Variants in RCSD1 observed in about 807,000 individuals in gnomAD.
RCSD1 encodes the protein RCSD domain containing 1, also known as capZ-interacting protein.
RCSD1 carries 26 observed loss-of-function variants against 42.5 expected under a neutral mutation model. The observed-to-expected ratio is 0.61, with a 90% CI of 0.45 to 0.85. The LOEUF is 0.85. Ranked by LOEUF, RCSD1 falls within the 40% of genes least tolerant of loss-of-function variation. The pLI is 0.00. For missense variants in RCSD1, 571 were observed against 528.3 expected, an observed-to-expected ratio of 1.08 and a Z score of -0.79; for synonymous variants, 220 against 212.2, an observed-to-expected ratio of 1.04 and a Z score of -0.32.
At chr1:167,691,060 G>A (rs142988854) in intron 4 of RCSD1, among the ~76,000 whole-genome samples, 2 of 152,322 alleles carry the variant, frequency 1.3e-5, no homozygotes, top group Non-Finnish European at 2.9e-5. Flanking sequence ...TCACTGCCCG[G>A]CTCCTGCTGC....
At chr1:167,642,049 C>T (rs1180275939) in intron 1 of RCSD1, 1 of 152,258 alleles carries the variant, frequency 6.6e-6, no homozygotes, top group East Asian at 1.9e-4. Context: ...GTTGTCATGG[C>T]AGAAGGAAGG....
chr1:167,694,402 C>T (rs1322787660), intron 5 of RCSD1, 100 bp downstream of exon 5: 6 of 1,148,228 alleles, frequency 5.2e-6, no homozygotes, highest in African/African-American at 1.5e-5. Flanking sequence ...AAGGAGGAAA[C>T]ATTCGGAGTT....
chr1:167,648,493 G>A (rs1200124915), intron 1 of RCSD1, among the ~76,000 whole-genome samples: 1 of 152,196 alleles, frequency 6.6e-6, no homozygotes, highest in African/African-American at 2.4e-5. Context: ...GACATGAGGT[G>A]AGAGCCCTCC....
intron 6 of RCSD1, 51 bp from the exon 7 acceptor site, chr1:167,704,613 C>T (rs145158586): frequency 2.6e-6 from 4 of 1,520,720 alleles, no homozygotes; most frequent in Non-Finnish European, 3.6e-6. Context: ...TGCTGAGTGT[C>T]AGGATTTCCT....
At chr1:167,679,269 G>A (rs577267202) in intron 1 of RCSD1, among the ~76,000 whole-genome samples, 3 of 152,330 alleles carry the variant, frequency 2.0e-5, no homozygotes, top group African/African-American at 7.2e-5. Flanking sequence ...CTTTTAGAGA[G>A]GTAAGAATTA....
At chr1:167,683,757 C>A in intron 1 of RCSD1, 143 bp from the exon 2 acceptor site, 1 of 785,248 alleles carries the variant, frequency 1.3e-6, no homozygotes, top group Non-Finnish European at 2.1e-6. Context: ...TTTTTTAAGT[C>A]CTTGAATGCA....
In RCSD1 at chr1:167,654,306, G is replaced by A. The variant is rs146495811; in HGVS notation, c.6+23877G>A. Among the ~76,000 whole-genome samples the A allele has an allele frequency of 2.8e-4, 43 of 152,282 alleles. No individual in the cohort carries two copies. In the East Asian group the frequency reaches 8.1e-3, roughly 29 times the overall value. On this transcript the variant is annotated intron_variant, in intron 1 of 6. Coordinates refer to ENST00000367854, the MANE Select transcript of RCSD1 (RefSeq NM_052862.4). Reference sequence around the variant, plus strand: ...CTTATGGACAGAAGTATGGTCTTGGGTGGCTGCACCATTACCCCTCAGACC... The same window carrying A: ...CTTATGGACAGAAGTATGGTCTTGGATGGCTGCACCATTACCCCTCAGACC...
chr1:167,685,606 T>C, intron 3 of RCSD1, 96 bp downstream of exon 3: 4 of 925,494 alleles, frequency 4.3e-6, no homozygotes, highest in South Asian at 4.3e-5. Context: ...ACTCATACTT[T>C]AAAGCTCAGA....
Position 167,704,796 on chromosome 1 carries a change from C to T in RCSD1, c.*100C>T. 1 of 1,191,666 alleles carries T rather than the reference C, an allele frequency of 8.4e-7. No individual in the cohort carries two copies. 73.8% of individuals were successfully genotyped at this position (1,191,666 alleles called of 1,614,324 possible). A position where few individuals can be genotyped will look rare whatever the true frequency, so the allele number is the denominator to read the frequency against. On this transcript the variant is annotated 3_prime_UTR_variant, in exon 7 of 7. Coordinates refer to ENST00000367854, the MANE Select transcript of RCSD1 (RefSeq NM_052862.4). Reference sequence around the variant, plus strand: ...GCAGCAGACGAAGCCATTGCAGAGGCAGAATATGCTGAGTGTCTGGAGTCA... The same window carrying T: ...GCAGCAGACGAAGCCATTGCAGAGGTAGAATATGCTGAGTGTCTGGAGTCA...
chr1:167,663,097 T>C (rs1658575606), intron 1 of RCSD1, among the ~76,000 whole-genome samples: 1 of 152,220 alleles, frequency 6.6e-6, no homozygotes, highest in South Asian at 2.1e-4. Flanking sequence ...GCCTCCCAGC[T>C]GCTCAGCTCT....
intron 1 of RCSD1, among the ~76,000 whole-genome samples, chr1:167,670,775 G>C (rs1658788331): frequency 6.6e-6 from 1 of 152,008 alleles, no homozygotes; most frequent in Non-Finnish European, 1.5e-5. Flanking sequence ...CCAGAAGCCA[G>C]AGCCAGAAAT....
intron 1 of RCSD1, among the ~76,000 whole-genome samples, chr1:167,651,725 T>C (rs997781065): frequency 6.6e-6 from 1 of 152,192 alleles, no homozygotes; most frequent in African/African-American, 2.4e-5. Context: ...CCCAGGATTA[T>C]TCCATTTGGG....
intron 1 of RCSD1, among the ~76,000 whole-genome samples, chr1:167,642,940 G>T (rs11546638): frequency 0.04 from 6,123 of 152,164 alleles, 151 homozygotes; most frequent in Non-Finnish European, 0.06. Context: ...CTCCCTTAAG[G>T]CTTTCTTTGC....
chr1:167,652,767 G>A (rs9427166), intron 1 of RCSD1, among the ~76,000 whole-genome samples: 10,331 of 151,962 alleles, frequency 0.068, 427 homozygotes, highest in Non-Finnish European at 0.098. Context: ...GAGAAATGTT[G>A]GATATTCGTC....
intron 3 of RCSD1, among the ~76,000 whole-genome samples, chr1:167,688,663 A>G (rs533792093): frequency 6.6e-6 from 1 of 152,354 alleles, no homozygotes; most frequent in African/African-American, 2.4e-5. Context: ...GTTGGGCTGT[A>G]AAAAGATCAC....
intron 1 of RCSD1, among the ~76,000 whole-genome samples, chr1:167,675,888 C>G (rs1658939550): frequency 6.6e-6 from 1 of 151,936 alleles, no homozygotes; most frequent in Admixed American, 6.6e-5. Flanking sequence ...GGGGCTCTAT[C>G]TGGGACTTCT....
chr1:167,644,555 G>C (rs919967353), intron 1 of RCSD1, among the ~76,000 whole-genome samples: 11 of 152,116 alleles, frequency 7.2e-5, no homozygotes, highest in African/African-American at 2.7e-4. Flanking sequence ...GAAAGGGAGG[G>C]AAGGAGAGCA....
chr1:167,639,033 C>A (rs189677355), intron 1 of RCSD1, among the ~76,000 whole-genome samples: 4 of 152,044 alleles, frequency 2.6e-5, no homozygotes, highest in African/African-American at 9.7e-5. Flanking sequence ...CTGGCTAACA[C>A]GATAAAACCC....
chr1:167,678,360 GAACTAT>G (rs1165328543), intron 1 of RCSD1, among the ~76,000 whole-genome samples: 1 of 152,104 alleles, frequency 6.6e-6, no homozygotes, highest in East Asian at 1.9e-4. Context: ...GACCAAGGAA[GAACTAT>G]TCATTGCCCA....
Sources: gnomAD v4.1 joint callset for allele counts (sites outside exome capture counted in the v4.1 genomes callset) on GRCh38, gnomAD v4.1.1 for gene constraint, MANE v1.5 for transcripts, NCBI Gene and HGNC (gene_info 2026-07-23, HGNC 2026-07-21) for gene names.